ERCC2: variants seen among roughly 807,000 people sequenced by gnomAD.
ERCC2 encodes the protein general transcription and DNA repair factor IIH helicase subunit XPD.
Under a neutral mutation model 99.4 loss-of-function variants are expected in ERCC2, and 90 were observed. The observed-to-expected ratio is 0.91, with a 90% CI of 0.76 to 1.08. ERCC2 has a LOEUF of 1.08. Among genes scored for constraint, ERCC2 ranks in the 50% least tolerant of loss-of-function variants. The probability of loss-of-function intolerance (pLI) is 0.00; values close to 1 mark genes in which losing one functional copy is unlikely to be tolerated. For missense variants in ERCC2, 993 were observed against 1,038.1 expected (o/e 0.96, Z 0.60); for synonymous variants, 497 against 432.4 (o/e 1.15, Z -1.85).
At chr19:45,354,947 C>T (rs1971961429) in intron 16 of ERCC2, 96 bp from the exon 17 acceptor site, 4 of 1,529,964 alleles carry the variant, frequency 2.6e-6, no homozygotes, top group Non-Finnish European at 3.6e-6. Flanking sequence ...ACTGAGGCTG[C>T]CTGTCAGGCT....
chr19:45,363,974 G>A lies in ERCC2; in HGVS notation c.949+12C>T, dbSNP rs1320950677. 8.4e-6 allele frequency: 13 copies of A among 1,538,658 alleles called. No homozygotes were observed. Among genetic ancestry groups the A allele is most frequent in the South Asian group, 2.4e-5 (2 of 84,286 alleles). On this transcript the variant is annotated intron_variant, in intron 10 of 22. Transcript: ENST00000391945. ...GAAAGGGACTGGGGGGCAGCGGGGG[G>A]TCGGGGCTCACCCTGCAGCACTTCG...
In ERCC2 at chr19:45,370,195, C is replaced by A; in HGVS notation, c.43G>T (p.Asp15Tyr). The A allele has an allele frequency of 6.2e-7, 1 of 1,613,436 alleles. No homozygotes were observed. The highest frequency in any genetic ancestry group is 8.5e-7 in the Non-Finnish European group (1 of 1,179,516). ...GAGAACTGCTCGGGGTAGATGTAGT[C>A]GTACGGGAAGTAGACCAGGAGCCCG... ...VDGLLVYFPY[D>Y]YIYPEQFSYM... Residue 15 changes from aspartate (D) to tyrosine (Y), a missense_variant, in exon 2 of 23, where the codon GAC becomes TAC. Physicochemically the swap from Asp to Tyr is radical, Grantham distance 160 (BLOSUM62 -3). Transcript: ENST00000391945.
rs376739020 is a variant in ERCC2, at chr19:45,350,651, G to A, written c.*978C>T. The A allele has an allele frequency of 4.2e-5, 67 of 1,613,384 alleles. No individual in the cohort carries two copies. The highest frequency in any genetic ancestry group is 1.6e-4 in the Middle Eastern group (1 of 6,072). ...CCGGCCCCTCCCCAGGCCCTTCGCC[G>A]CAGCAGCTCACTCTCCAAGATCCGT... On this transcript the variant is annotated 3_prime_UTR_variant, in exon 23 of 23. Coordinates refer to ENST00000391945, the MANE Select transcript of ERCC2 (RefSeq NM_000400.4).
chr19:45,367,086 C>G (rs531020779), intron 5 of ERCC2, among the ~76,000 whole-genome samples: 3 of 152,146 alleles, frequency 2.0e-5, no homozygotes, highest in Admixed American at 6.6e-5. Flanking sequence ...TGCCTGTAAT[C>G]CCAGCACTTT....
At position 45,363,827 on chromosome 19, in the gene ERCC2, C is replaced by CGCAGCCGCCACTTCACGTACTCCA. The variant is rs1412064968; in HGVS notation, c.1010_1033dup (p.Leu337_Leu344dup). 6.5e-7 allele frequency: 1 copy of CGCAGCCGCCACTTCACGTACTCCA among 1,540,820 alleles called. No homozygotes were observed. The highest frequency in any genetic ancestry group is 1.4e-5 in the African/African-American group (1 of 73,176). On this transcript the variant is annotated inframe_insertion, in exon 11 of 23. Transcript: ENST00000391945. Reference sequence around the variant, plus strand: ...GCTCTCCTGCACCACATGCTGCACACGCAGCCGCCACTTCACGTACTCCAG... The same window carrying CGCAGCCGCCACTTCACGTACTCCA: ...GCTCTCCTGCACCACATGCTGCACACGCAGCCGCCACTTCACGTACTCCAGCAGCCGCCACTTCACGTACTCCAG...
chr19:45,351,558 CG>C lies in ERCC2; in HGVS notation c.*70del. 6.2e-7 allele frequency: 1 copy of C among 1,608,594 alleles called. No individual in the cohort carries two copies. Among genetic ancestry groups the C allele is most frequent in the Non-Finnish European group, 8.5e-7 (1 of 1,179,568 alleles). On this transcript the variant is annotated 3_prime_UTR_variant, in exon 23 of 23. Coordinates refer to ENST00000391945, the MANE Select transcript of ERCC2 (RefSeq NM_000400.4). ...ACTTCATAAGACCTTCTAGCACCAC[CG>C]CCGCTGGGAACCAGGGCCAGGCAAG...
chr19:45,350,661 A>ACTCTCCAAGATCCGTGAGTCTAT lies in ERCC2; in HGVS notation c.*945_*967dup. ...CCCAGGCCCTTCGCCGCAGCAGCTC[A>ACTCTCCAAGATCCGTGAGTCTAT]CTCTCCAAGATCCGTGAGTCTATCA... On this transcript the variant is annotated 3_prime_UTR_variant, in exon 23 of 23. Transcript: ENST00000391945. The ACTCTCCAAGATCCGTGAGTCTAT allele has an allele frequency of 1.9e-6, 3 of 1,612,472 alleles. No homozygotes were observed. Among genetic ancestry groups the ACTCTCCAAGATCCGTGAGTCTAT allele is most frequent in the South Asian group, 1.1e-5 (1 of 90,996 alleles).
rs1476699990 is a variant in ERCC2 at position 45,350,831 on chromosome 19, A to G, written c.*798T>C. 14 of 1,368,462 alleles carry G rather than the reference A, an allele frequency of 1.0e-5. No homozygotes were observed. The highest frequency in any genetic ancestry group is 1.3e-5 in the Non-Finnish European group (13 of 979,978). The allele number at this position is 1,368,462 out of a possible 1,614,324, so 84.8% of individuals were successfully genotyped here. On this transcript the variant is annotated 3_prime_UTR_variant, in exon 23 of 23. Coordinates refer to ENST00000391945, the MANE Select transcript of ERCC2 (RefSeq NM_000400.4). ...CACCCCCACCCCCATCTTGCTCAAG[A>G]ACCTTCCATGGCTCCCATCTCCCCT...
intron 19 of ERCC2, 26 bp from the exon 20 acceptor site, chr19:45,352,842 G>C (rs1799788): frequency 6.2e-7 from 1 of 1,609,990 alleles, no homozygotes; most frequent in Admixed American, 1.7e-5. Flanking sequence ...GAGGGGGCGA[G>C]GGGGGTTACA....
At chr19:45,360,459 C>A (rs976672887) in intron 12 of ERCC2, among the ~76,000 whole-genome samples, 3 of 149,860 alleles carry the variant, frequency 2.0e-5, no homozygotes, top group African/African-American at 4.9e-5. Context: ...CTCACTGTAA[C>A]CTCTGCCTCC....
At position 45,351,333 on chromosome 19, in the gene ERCC2, C is replaced by G. The variant is rs765360053; in HGVS notation, c.*296G>C. 2.5e-6 allele frequency: 4 copies of G among 1,612,006 alleles called. No homozygotes were observed. Among genetic ancestry groups the G allele is most frequent in the Middle Eastern group, 1.6e-4 (1 of 6,062 alleles). On this transcript the variant is annotated 3_prime_UTR_variant, in exon 23 of 23. Transcript: ENST00000391945. ...AGGCCCCTCGGACCCTCAGCGCCAGCACCCAGGACCTGAGCCCCCACTAAC... is the reference window on the plus strand; with the variant it reads ...AGGCCCCTCGGACCCTCAGCGCCAGGACCCAGGACCTGAGCCCCCACTAAC...
At position 45,361,677 on chromosome 19, in the gene ERCC2, C is replaced by T. The variant is rs200565548; in HGVS notation, c.1119-35G>A. 2.4e-5 allele frequency: 36 copies of T among 1,479,578 alleles called. No individual in the cohort carries two copies. In the East Asian group the frequency reaches 4.3e-4, roughly 18 times the overall value. 91.7% of individuals were successfully genotyped at this position (1,479,578 alleles called of 1,614,324 possible). On this transcript the variant is annotated intron_variant, in intron 11 of 22. Transcript: ENST00000391945. The stretch of plus-strand genomic sequence containing the variant: ...AGGAGAGACGGGGTCGGGGGGCAGA[C>T]GGAAGCATGAGCAGGACCAGCAGCC...
At chr19:45,365,658 G>A (rs995333371) in intron 5 of ERCC2, among the ~76,000 whole-genome samples, 1 of 151,426 alleles carries the variant, frequency 6.6e-6, no homozygotes, top group Non-Finnish European at 1.5e-5. Flanking sequence ...AGGTGTGGTG[G>A]TGCACACCTG....
At chr19:45,370,505 T>C (rs1972572799) in intron 1 of ERCC2, 31 bp downstream of exon 1, 4 of 1,308,086 alleles carry the variant, frequency 3.1e-6, no homozygotes, top group East Asian at 3.9e-5. Flanking sequence ...CCGCGCCCGC[T>C]AGCGAGCGCG....
Position 45,350,338 on chromosome 19 carries a change from C to T in ERCC2, c.*1291G>A, listed in dbSNP as rs918904034. 1.2e-6 allele frequency: 2 copies of T among 1,612,744 alleles called. No individual in the cohort carries two copies. The highest frequency in any genetic ancestry group is 1.7e-6 in the Non-Finnish European group (2 of 1,179,706). ...AAGTTCCCAGACACTCCCTTCTCCG[C>T]AGGCCTCAGCCTACCTGAAACAGAA... On this transcript the variant is annotated 3_prime_UTR_variant, in exon 23 of 23. Coordinates refer to ENST00000391945, the MANE Select transcript of ERCC2 (RefSeq NM_000400.4).
Position 45,352,612 on chromosome 19 carries a change from C to G in ERCC2, c.1940G>C (p.Arg647Pro). 6.2e-7 allele frequency: 1 copy of G among 1,613,994 alleles called. No individual in the cohort carries two copies. Among genetic ancestry groups the G allele is most frequent in the Non-Finnish European group, 8.5e-7 (1 of 1,180,032 alleles). Residue 647 changes from arginine (R) to proline (P), a missense_variant, in exon 21 of 23, where the codon CGT becomes CCT. Physicochemically the swap from Arg to Pro is moderately radical, Grantham distance 103 (BLOSUM62 -2). This residue lies in a region of ERCC2 where 909 missense variants were observed against 930.8 expected (regional missense o/e 0.98). Coordinates refer to ENST00000391945, the MANE Select transcript of ERCC2 (RefSeq NM_000400.4). ...ATCGAAGGTAAGAAAGTCATTCTCACGAATCTGGAACTGGTCCCGCAGGTA... is the reference window on the plus strand; with the variant it reads ...ATCGAAGGTAAGAAAGTCATTCTCAGGAATCTGGAACTGGTCCCGCAGGTA... Reference protein sequence around the residue: ...LEYLRDQFQIRENDFLTFDAM... With the variant: ...LEYLRDQFQIPENDFLTFDAM...
rs751503197 is a variant in ERCC2 at position 45,364,305 on chromosome 19, C to T, written c.745G>A (p.Val249Ile). The T allele has an allele frequency of 1.7e-5, 27 of 1,613,898 alleles. No homozygotes were observed. The Admixed American group carries it at 1.8e-4, about 11-fold the overall frequency. The part of the protein sequence containing the change: ...IDNVCIDSMS[V>I]NLTRRTLDRC... ...TCAAGGGTCCGGCGGGTGAGGTTGA[C>T]GCTCATGGAGTCGATGCAGACGTTG... Residue 249 changes from valine (V) to isoleucine (I), a missense_variant, in exon 9 of 23, where the codon GTC becomes ATC. Val to Ile is a conservative substitution (Grantham distance 29). Coordinates refer to ENST00000391945, the MANE Select transcript of ERCC2 (RefSeq NM_000400.4).
At chr19:45,356,282 A>T (rs1191443965) in intron 15 of ERCC2, among the ~76,000 whole-genome samples, 1 of 152,146 alleles carries the variant, frequency 6.6e-6, no homozygotes, top group East Asian at 1.9e-4. Context: ...GCAACTCCAA[A>T]AGCCAAAAGC....
intron 16 of ERCC2, among the ~76,000 whole-genome samples, chr19:45,355,189 T>C (rs1971971629): frequency 6.6e-6 from 1 of 152,182 alleles, no homozygotes; most frequent in Non-Finnish European, 1.5e-5. Context: ...AAACCCCATC[T>C]CTACTAAAAA....
Sources: allele counts gnomAD v4.1 joint callset (sites outside exome capture counted in the v4.1 genomes callset), GRCh38; gene constraint gnomAD v4.1.1; regional missense constraint gnomAD v4.1.1; transcripts MANE v1.5; gene names NCBI Gene and HGNC (gene_info 2026-07-23, HGNC 2026-07-21).